The following MAP7D3 variants were observed in gnomAD, a reference collection of about 807,000 sequenced individuals.
The protein encoded by MAP7D3 is MAP7 domain containing 3.
A neutral mutation model predicts 62.2 loss-of-function variants in MAP7D3; 45 were observed. That is an observed-to-expected ratio of 0.72 (90% CI 0.57 to 0.93). The LOEUF is 0.93. Ranked by LOEUF, MAP7D3 falls within the 40% of genes least tolerant of loss-of-function variation. MAP7D3 has a pLI of 0.00. For missense variants in MAP7D3, 711 were observed against 683.1 expected (o/e 1.04, Z -0.45); for synonymous variants, 288 against 248.8 (o/e 1.16, Z -1.48).
downstream of MAP7D3, chrX:136,213,273 C>T (rs987387876): frequency 9.0e-6 from 1 of 111,491 alleles, no homozygotes; most frequent in African/African-American, 3.3e-5. Context: ...GAGTGACACC[C>T]CTAAGGCTCA....
chrX:136,252,967 G>A (rs888337919), upstream of MAP7D3, among the ~76,000 whole-genome samples: 5 of 109,667 alleles, frequency 4.6e-5, no homozygotes, highest in African/African-American at 6.6e-5. Flanking sequence ...GCGTCGTGGC[G>A]GGCCCCTGTA....
chrX:136,245,252 GTTTTACA>G (rs1273633282), intron 3 of MAP7D3, among the ~76,000 whole-genome samples: 17 of 111,523 alleles, frequency 1.5e-4, no homozygotes, highest in African/African-American at 4.6e-4. Context: ...AAACATGCCA[GTTTTACA>G]TTAATGGACT....
In MAP7D3 at chrX:136,232,970, GA is replaced by G. The variant is rs372079597; in HGVS notation, c.737-751del. On this transcript the variant is annotated intron_variant, in intron 7 of 18. Transcript: ENST00000316077. ...ATTCTACTTCTAGGTTTACCCTTAG[GA>G]AAAAAAAAATTACATAAATATATAA... is the stretch of plus-strand genomic sequence containing the variant. 9.2e-4 allele frequency among the ~76,000 whole-genome samples: 96 copies of G among 104,785 alleles called. 1 individual carries two copies. The highest frequency in any genetic ancestry group is 3.1e-3 in the African/African-American group (89 of 28,878). The allele number at this position is 104,785 out of a possible 115,157, so 91.0% of individuals were successfully genotyped here. A position where few individuals can be genotyped will look rare whatever the true frequency, so the allele number is the denominator to read the frequency against.
chrX:136,222,214 G>A lies in MAP7D3; in HGVS notation c.2287+179C>T, dbSNP rs1008522023. Among the ~76,000 whole-genome samples, 3 of 112,270 alleles carry A rather than the reference G, an allele frequency of 2.7e-5. No homozygotes were observed. In the East Asian group the frequency reaches 8.4e-4, roughly 31 times the overall value. ...TGAGACACTGTTTTTAGCATTACATGGATTTACCTCACTGAAATCTCATAT... is the reference window on the plus strand; with the variant it reads ...TGAGACACTGTTTTTAGCATTACATAGATTTACCTCACTGAAATCTCATAT... On this transcript the variant is annotated intron_variant, in intron 15 of 18. Transcript: ENST00000316077.
chrX:136,242,284 G>T (rs750631101), intron 4 of MAP7D3, among the ~76,000 whole-genome samples: 7 of 112,170 alleles, frequency 6.2e-5, no homozygotes, highest in African/African-American at 2.3e-4. Context: ...GATTAACTTT[G>T]TATTATTAAA....
chrX:136,249,673 A>C (rs752891202), intron 1 of MAP7D3, among the ~76,000 whole-genome samples: 56 of 112,380 alleles, frequency 5.0e-4, no homozygotes, highest in Admixed American at 1.5e-3. Context: ...TTGCTGCCAG[A>C]CTGCCAGCAG....
Position 136,219,663 on chromosome X carries a change from G to C in MAP7D3, c.2495C>G (p.Ser832Cys). ...SIQEVVSRPS[S>C]KRMTSHTTKT... is the part of the protein sequence containing the mutation. The stretch of plus-strand genomic sequence containing the variant: ...CGTTGTGTGACTGGTCATTCTTTTG[G>C]AAGATGGTCTGGAAAGAGACAGTTT... The change falls in exon 17 of 19, where the codon TCC becomes TGC. Residue 832 changes from serine (S) to cysteine (C), a missense_variant. Ser to Cys is a moderately radical substitution (Grantham distance 112). Transcript: ENST00000316077. 8.3e-7 allele frequency: 1 copy of C among 1,203,168 alleles called. No individual in the cohort carries two copies. The highest frequency in any genetic ancestry group is 1.7e-5 in the African/African-American group (1 of 57,750).
intron 18 of MAP7D3, 111 bp from the exon 19 acceptor site, chrX:136,218,604 C>G (rs1029562676): frequency 8.9e-5 from 10 of 112,047 alleles, no homozygotes; most frequent in African/African-American, 3.2e-4. Context: ...AGCAGCCCCT[C>G]TGGAGTTGCT....
At chrX:136,227,554 C>T in intron 11 of MAP7D3, 123 bp from the exon 12 acceptor site, 1 of 444,144 alleles carries the variant, frequency 2.3e-6, no homozygotes, top group South Asian at 4.9e-5. Flanking sequence ...ACACCAGAGT[C>T]ACTACATCTT....
At chrX:136,249,125 G>C (rs1206891577) in intron 1 of MAP7D3, among the ~76,000 whole-genome samples, 1 of 111,803 alleles carries the variant, frequency 8.9e-6, no homozygotes, top group East Asian at 2.8e-4. Flanking sequence ...ATGGCTACTT[G>C]GAAAAATATT....
chrX:136,222,648 C>T (rs1000053954), intron 14 of MAP7D3, among the ~76,000 whole-genome samples, 162 bp from the exon 15 acceptor site: 2 of 110,998 alleles, frequency 1.8e-5, no homozygotes, highest in African/African-American at 3.3e-5. Flanking sequence ...CAAGAATCTA[C>T]GGGGGATAGG....
intron 10 of MAP7D3, among the ~76,000 whole-genome samples, chrX:136,229,619 C>A (rs1343864233): frequency 1.8e-5 from 2 of 109,950 alleles, no homozygotes; most frequent in South Asian, 3.9e-4. Context: ...TGCTCATCCA[C>A]GAGTGGATGT....
chrX:136,239,341 G>C (rs1426942671), intron 6 of MAP7D3, among the ~76,000 whole-genome samples: 1 of 112,354 alleles, frequency 8.9e-6, no homozygotes, highest in Non-Finnish European at 1.9e-5. Context: ...CACTGTATTT[G>C]AAACAACTCT....
chrX:136,239,164 G>A (rs998552619), intron 6 of MAP7D3, among the ~76,000 whole-genome samples: 3 of 111,389 alleles, frequency 2.7e-5, no homozygotes, highest in African/African-American at 9.8e-5. Flanking sequence ...GATGGGTATA[G>A]TTGCCTAATC....
In MAP7D3 at chrX:136,219,626, C is replaced by T; in HGVS notation, c.2532G>A (p.Lys844=). The T allele has an allele frequency of 8.3e-7, 1 of 1,208,508 alleles. No individual in the cohort carries two copies. Among genetic ancestry groups the T allele is most frequent in the Non-Finnish European group, 1.1e-6 (1 of 892,375 alleles). Residue 844 remains lysine, a synonymous_variant, in exon 17 of 19, where the codon AAG becomes AAA. Transcript: ENST00000316077. The part of the protein sequence containing the change: ...RMTSHTTKTR[K]ADETNTTSRS... ...TGCTGGTGGTGTTGGTTTCATCCGC[C>T]TTTCTGGTTTTCGTTGTGTGACTGG...
intron 12 of MAP7D3, 123 bp from the exon 13 acceptor site, chrX:136,226,136 A>G (rs1006038629): frequency 4.3e-6 from 2 of 467,540 alleles, no homozygotes; most frequent in Non-Finnish European, 7.1e-6. Context: ...AACCTTTTGA[A>G]TGAGGGTTCC....
exon 1 of MAP7D3, chrX:136,256,433 G>A: frequency 1.2e-6 from 1 of 801,087 alleles, no homozygotes; most frequent in South Asian, 2.5e-5. Context: ...AGAGGACCAG[G>A]GTGACCCTGC....
Position 136,225,889 on chromosome X carries a change from C to T in MAP7D3, c.2139+20G>A. On this transcript the variant is annotated intron_variant, in intron 13 of 18. Transcript: ENST00000316077. ...TGTTTTAAACACAGAATCAAGTCCC[C>T]CCAAACAGAGAGCGAGTACCTTTTT... 1.9e-6 allele frequency: 2 copies of T among 1,050,207 alleles called. No homozygotes were observed. The highest frequency in any genetic ancestry group is 2.1e-5 in the South Asian group (1 of 48,724). The allele number at this position is 1,050,207 out of a possible 1,213,427, so 86.5% of individuals were successfully genotyped here.
intron 13 of MAP7D3, among the ~76,000 whole-genome samples, chrX:136,225,247 T>C (rs2074181669): frequency 1.8e-5 from 2 of 112,670 alleles, no homozygotes; most frequent in South Asian, 7.3e-4. Context: ...CTGAAGCCAA[T>C]GTTAATGAAA....
Sources: allele counts gnomAD v4.1 joint callset (sites outside exome capture counted in the v4.1 genomes callset), GRCh38; gene constraint gnomAD v4.1.1; transcripts MANE v1.5; gene names NCBI Gene and HGNC (gene_info 2026-07-23, HGNC 2026-07-21).